The following FRMD3 variants were observed in gnomAD, a reference collection of about 807,000 sequenced individuals.
The protein encoded by FRMD3 is FERM domain-containing protein 3.
FRMD3 carries 33 observed loss-of-function variants against 70.2 expected under a neutral mutation model. The ratio of observed to expected loss-of-function variants is 0.47; its 90% CI spans 0.36 to 0.63. The LOEUF (loss-of-function observed/expected upper bound fraction) is 0.63, where lower values mean the gene tolerates loss of function less well. Ranked by LOEUF, FRMD3 falls within the 20% of genes least tolerant of loss-of-function variation. The pLI is 0.00. For synonymous variants in FRMD3, 279 were observed against 255.9 expected, an observed-to-expected ratio of 1.09 and a Z score of -0.86; for missense variants, 632 against 711.4, an observed-to-expected ratio of 0.89 and a Z score of 1.27.
chr9:83,299,572 G>C (rs779615304), intron 10 of FRMD3, among the ~76,000 whole-genome samples: 1 of 152,210 alleles, frequency 6.6e-6, no homozygotes, highest in Admixed American at 6.5e-5. Flanking sequence ...CAGGAAGTTC[G>C]TGGTTGTTAG....
intron 6 of FRMD3, among the ~76,000 whole-genome samples, chr9:83,328,934 T>C (rs1836134363): frequency 6.6e-6 from 1 of 152,232 alleles, no homozygotes; most frequent in Non-Finnish European, 1.5e-5. Flanking sequence ...ATGTGAGATA[T>C]AATCAGACAA....
At chr9:83,291,008 G>A (rs563050653) in intron 12 of FRMD3, among the ~76,000 whole-genome samples, 23 of 151,830 alleles carry the variant, frequency 1.5e-4, no homozygotes, top group South Asian at 6.3e-4. Context: ...CAGCCTGGGC[G>A]TTTTTTAAAA....
At chr9:83,473,418 C>T (rs536251858) in intron 1 of FRMD3, among the ~76,000 whole-genome samples, 15 of 152,198 alleles carry the variant, frequency 9.9e-5, no homozygotes, top group Non-Finnish European at 1.8e-4. Flanking sequence ...TTTAGCCCTT[C>T]GCCTTTTATT....
chr9:83,544,716 C>T, the FRMD3 span, among the ~76,000 whole-genome samples: 4 of 152,118 alleles, frequency 2.6e-5, no homozygotes, highest in Non-Finnish European at 5.9e-5. Flanking sequence ...TACTCACATG[C>T]CCAGTACACC....
In FRMD3 at chr9:83,538,086, T is replaced by C; in HGVS notation, c.146A>G (p.Gln49Arg). 1.2e-6 allele frequency: 2 copies of C among 1,612,548 alleles called. No homozygotes were observed. Among genetic ancestry groups the C allele is most frequent in the South Asian group, 1.1e-5 (1 of 91,030 alleles). The change falls in exon 1 of 14, where the codon CAG (glutamine) becomes CGG (arginine). Residue 49 changes from glutamine to arginine, a missense_variant and splice_region_variant. Gln to Arg is a conservative substitution (Grantham distance 43). Coordinates refer to ENST00000304195, the MANE Select transcript of FRMD3 (RefSeq NM_174938.6). The surrounding 1 kb of genome is among the most constrained non-coding windows in gnomAD (Gnocchi z 4.7). Reference protein sequence around the residue: ...LDDSEISCHIQRETKGQFLID... With the variant: ...LDDSEISCHIRRETKGQFLID... ...GCCCTCGCCCGGTTCCACGCGCACC[T>C]GGATGTGGCAGGAGATCTCCGAGTC...
chr9:83,336,943 C>T lies in FRMD3; in HGVS notation c.473-1304G>A, dbSNP rs368115966. 4.6e-5 allele frequency among the ~76,000 whole-genome samples: 7 copies of T among 152,226 alleles called. No homozygotes were observed. In the South Asian group the frequency reaches 8.3e-4, roughly 18 times the overall value. The stretch of plus-strand genomic sequence containing the variant: ...TTCCTTCCTGGTAAGAGACCACTGA[C>T]TACAAAGTGGTTCTGGCCAGTCTAT... On this transcript the variant is annotated intron_variant, in intron 5 of 13. Coordinates refer to ENST00000304195, the MANE Select transcript of FRMD3 (RefSeq NM_174938.6).
At chr9:83,334,940 C>T (rs2375926) in intron 6 of FRMD3, among the ~76,000 whole-genome samples, 32,841 of 152,162 alleles carry the variant, frequency 0.22, 3,971 homozygotes, top group Non-Finnish European at 0.27. Flanking sequence ...GAAGATTAAA[C>T]GAGTTAATAT....
At chr9:83,350,994 CCACT>C (rs748720141) in intron 3 of FRMD3, 8 of 969,610 alleles carry the variant, frequency 8.3e-6, no homozygotes, top group Non-Finnish European at 9.8e-6. Context: ...ATTGGACATA[CCACT>C]CATTTGCTTC....
At chr9:83,266,479 A>G (rs981841566) in intron 13 of FRMD3, among the ~76,000 whole-genome samples, 10 of 152,208 alleles carry the variant, frequency 6.6e-5, no homozygotes, top group Non-Finnish European at 1.5e-4. Context: ...CTCAAGGACC[A>G]TAAAATAACA....
chr9:83,401,386 C>G (rs1825946542), intron 1 of FRMD3, among the ~76,000 whole-genome samples: 1 of 152,198 alleles, frequency 6.6e-6, no homozygotes, highest in Non-Finnish European at 1.5e-5. Flanking sequence ...TAGAGATAAT[C>G]TTATCCAAAC....
chr9:83,373,959 A>G (rs139361119), intron 2 of FRMD3, among the ~76,000 whole-genome samples: 1 of 152,218 alleles, frequency 6.6e-6, no homozygotes, highest in African/African-American at 2.4e-5. Flanking sequence ...ATGTAAATGC[A>G]TAACCATAAT....
intron 1 of FRMD3, among the ~76,000 whole-genome samples, chr9:83,534,854 G>A (rs1237682059): frequency 1.3e-5 from 2 of 152,160 alleles, no homozygotes; most frequent in Non-Finnish European, 2.9e-5. Context: ...CATTAAGTTT[G>A]CAAACTGGCA....
rs1826579491 is a variant in FRMD3, at chr9:83,419,816, G to A, written c.148-30108C>T. On this transcript the variant is annotated intron_variant, in intron 1 of 13. Transcript: ENST00000304195. ...AATCAACAACCCTAACTCTATACCT[G>A]AGTTTGTTTTACAATTGTTGTTGTT... 2.6e-5 allele frequency among the ~76,000 whole-genome samples: 4 copies of A among 152,238 alleles called. No homozygotes were observed. The South Asian group carries it at 8.3e-4, about 32-fold the overall frequency.
intron 1 of FRMD3, among the ~76,000 whole-genome samples, chr9:83,414,258 C>A (rs1826366146): frequency 6.6e-6 from 1 of 152,144 alleles, no homozygotes; most frequent in African/African-American, 2.4e-5. Context: ...TGGGAAATCA[C>A]TGAATTGTAT....
At chr9:83,349,785 GA>G in intron 3 of FRMD3, 28 bp from the exon 4 acceptor site, 1 of 1,556,512 alleles carries the variant, frequency 6.4e-7, no homozygotes, top group Non-Finnish European at 8.8e-7. Context: ...AAAGGCATGA[GA>G]AAAGCAGCAA....
At chr9:83,317,050 T>C (rs1410771353) in intron 6 of FRMD3, among the ~76,000 whole-genome samples, 1 of 152,130 alleles carries the variant, frequency 6.6e-6, no homozygotes, top group East Asian at 1.9e-4. Context: ...AAAATTTTTT[T>C]TTAAATTAGC....
At chr9:83,554,514 C>A in the FRMD3 span, among the ~76,000 whole-genome samples, 2 of 152,220 alleles carry the variant, frequency 1.3e-5, no homozygotes, top group Non-Finnish European at 2.9e-5. Flanking sequence ...ACGGTTTGTG[C>A]TGTGGGCCCA....
At chr9:83,397,144 G>T (rs1225333992) in intron 1 of FRMD3, among the ~76,000 whole-genome samples, 1 of 152,188 alleles carries the variant, frequency 6.6e-6, no homozygotes, top group South Asian at 2.1e-4. Context: ...AAATCTGGAT[G>T]CTAGCTGCCC....
chr9:83,519,867 G>A (rs539959400), intron 1 of FRMD3, among the ~76,000 whole-genome samples: 3 of 152,208 alleles, frequency 2.0e-5, no homozygotes, highest in African/African-American at 4.8e-5. Context: ...GCTGGAAACC[G>A]TAATTCTTAG....
Sources: allele counts gnomAD v4.1 joint callset (sites outside exome capture counted in the v4.1 genomes callset), GRCh38; gene constraint gnomAD v4.1.1; non-coding constraint Gnocchi (gnomAD v3.1); transcripts MANE v1.5; gene names NCBI Gene and HGNC (gene_info 2026-07-23, HGNC 2026-07-21).